Variants in ZDHHC22 observed in about 807,000 individuals in gnomAD.
The protein encoded by ZDHHC22 is zDHHC palmitoyltransferase 22.
A neutral mutation model predicts 17.0 loss-of-function variants in ZDHHC22; 13 were observed. The observed-to-expected ratio is 0.76, with a 90% CI of 0.50 to 1.21. The LOEUF (loss-of-function observed/expected upper bound fraction) is 1.21, where lower values mean the gene tolerates loss of function less well. ZDHHC22 is among the 50% of genes most tolerant of loss of function. The pLI, the probability that ZDHHC22 is intolerant of heterozygous loss-of-function variation, is 0.00. For missense variants in ZDHHC22, 319 were observed against 342.3 expected, an observed-to-expected ratio of 0.93 and a Z score of 0.54; for synonymous variants, 138 against 154.7, an observed-to-expected ratio of 0.89 and a Z score of 0.80.
At position 77,141,697 on chromosome 14, in the gene ZDHHC22, C is replaced by T. The variant is rs948865858; in HGVS notation, c.-109G>A. 1 of 152,374 alleles carries T rather than the reference C, an allele frequency of 6.6e-6. No homozygotes were observed. The highest frequency in any genetic ancestry group is 2.4e-5 in the African/African-American group (1 of 41,464). The allele number at this position is 152,374 out of a possible 1,614,324, so 9.4% of individuals were successfully genotyped here. On this transcript the variant is annotated 5_prime_UTR_variant, in exon 1 of 3. Transcript: ENST00000319374. ...GGACTCGGCCCGGCTGGCTCGCAGCCTGCGCTTCGCTTCGGGAACTGGGCA... is the reference window on the plus strand; with the variant it reads ...GGACTCGGCCCGGCTGGCTCGCAGCTTGCGCTTCGCTTCGGGAACTGGGCA...
At chr14:77,139,930 G>A (rs1347170411) in intron 1 of ZDHHC22, among the ~76,000 whole-genome samples, 178 bp from the exon 2 acceptor site, 5 of 152,138 alleles carry the variant, frequency 3.3e-5, no homozygotes, top group African/African-American at 1.2e-4. Context: ...CCAGAGACCC[G>A]AGCCCGCAGC....
chr14:77,141,617 C>G lies in ZDHHC22; in HGVS notation c.-29G>C, dbSNP rs1378130578. On this transcript the variant is annotated 5_prime_UTR_variant, in exon 1 of 3. Transcript: ENST00000319374. ...AATCAACTCACCGAGCTCTGGTCGC[C>G]GACAAGAGGAGCCCCGGACGCCGGC... 1 of 153,058 alleles carries G rather than the reference C, an allele frequency of 6.5e-6. No individual in the cohort carries two copies. Among genetic ancestry groups the G allele is most frequent in the Admixed American group, 6.5e-5 (1 of 15,290 alleles). The allele number at this position is 153,058 out of a possible 1,614,324, so 9.5% of individuals were successfully genotyped here.
chr14:77,136,145 T>C (rs1325071207), intron 2 of ZDHHC22, among the ~76,000 whole-genome samples: 3 of 152,116 alleles, frequency 2.0e-5, no homozygotes. Flanking sequence ...CCAAAGTGGC[T>C]CATTCGAGAA....
intron 2 of ZDHHC22, among the ~76,000 whole-genome samples, chr14:77,136,275 G>T (rs937798480): frequency 2.0e-5 from 3 of 152,130 alleles, no homozygotes; most frequent in Non-Finnish European, 4.4e-5. Flanking sequence ...GTGTGGTGTT[G>T]GTGCAACTTA....
At position 77,139,490 on chromosome 14, in the gene ZDHHC22, C is replaced by T. The variant is rs1217516098; in HGVS notation, c.249G>A (p.Ser83=). 2.2e-5 allele frequency: 36 copies of T among 1,612,658 alleles called. No individual in the cohort carries two copies. Among genetic ancestry groups the T allele is most frequent in the Non-Finnish European group, 3.1e-5 (36 of 1,179,510 alleles). ...GTGAGGGGCATGGAGTCTTCCTGGC[C>T]GAGGCCCCCTGGCAGGCCCCCAGGT... The part of the protein sequence containing the change: ...PDDLGACQGA[S]ARKTPCPSPS... Residue 83 remains serine, a synonymous_variant, in exon 2 of 3, where the codon TCG becomes TCA. Transcript: ENST00000319374.
Position 77,133,968 on chromosome 14 carries a change from G to C in ZDHHC22, c.527-20C>G, listed in dbSNP as rs1394826352. 1 of 1,542,784 alleles carries C rather than the reference G, an allele frequency of 6.5e-7. No homozygotes were observed. The highest frequency in any genetic ancestry group is 1.3e-5 in the South Asian group (1 of 78,030). On this transcript the variant is annotated intron_variant, in intron 2 of 2. Transcript: ENST00000319374. Reference sequence around the variant, plus strand: ...CAGCTCCTGCAGGGCACGGGGAGGGGAAACACCAGAGCCGCTTTACACCCA... The same window carrying C: ...CAGCTCCTGCAGGGCACGGGGAGGGCAAACACCAGAGCCGCTTTACACCCA...
chr14:77,136,065 A>G (rs1170833238), intron 2 of ZDHHC22, among the ~76,000 whole-genome samples: 1 of 152,218 alleles, frequency 6.6e-6, no homozygotes, highest in Non-Finnish European at 1.5e-5. Flanking sequence ...ACAGGCATCT[A>G]TAACACCTTT....
intron 2 of ZDHHC22, among the ~76,000 whole-genome samples, chr14:77,137,976 C>G (rs1379921595): frequency 6.6e-6 from 1 of 152,136 alleles, no homozygotes; most frequent in Non-Finnish European, 1.5e-5. Context: ...GAGACTGCCA[C>G]TCAGTAGCAG....
intron 2 of ZDHHC22, among the ~76,000 whole-genome samples, chr14:77,136,864 G>A (rs1702187766): frequency 6.6e-6 from 1 of 152,132 alleles, no homozygotes; most frequent in Non-Finnish European, 1.5e-5. Flanking sequence ...TCAAACTCTT[G>A]GGCTCAAGCA....
rs754167228 is a variant in ZDHHC22, at chr14:77,139,672, A to G, written c.67T>C (p.Phe23Leu). ...AYFLCISLVT[F>L]VLQLFLFLPS... ...AGGAAGAGGAAGAGCTGCAGCACGA[A>G]GGTCACCAGGGAGATGCACAAGAAG... Residue 23 changes from phenylalanine to leucine, a missense_variant, in exon 2 of 3, where the codon TTC becomes CTC. Coordinates refer to ENST00000319374, the MANE Select transcript of ZDHHC22 (RefSeq NM_174976.2). The G allele has an allele frequency of 6.4e-6, 10 of 1,559,162 alleles. No individual in the cohort carries two copies. The East Asian group carries it at 2.1e-4, about 32-fold the overall frequency.
intron 1 of ZDHHC22, chr14:77,141,215 G>A (rs1887248609): frequency 6.6e-6 from 1 of 152,176 alleles, no homozygotes; most frequent in Middle Eastern, 3.2e-3. Context: ...CCCTCGGCCT[G>A]GGGCTCCGGC....
rs1887223116 is a variant in ZDHHC22 at position 77,140,042 on chromosome 14, G to A, written c.-14-290C>T. ...AGTCTGGCACAGGAGGGAGGGACTC[G>A]TTTGCAGTCTTTAGGAGTTGTGAGG... On this transcript the variant is annotated intron_variant, in intron 1 of 2. Coordinates refer to ENST00000319374, the MANE Select transcript of ZDHHC22 (RefSeq NM_174976.2). This position sits in a 1 kb window ranked among gnomAD's most constrained non-coding sequence, Gnocchi z 5.9. 6.6e-6 allele frequency among the ~76,000 whole-genome samples: 1 copy of A among 152,154 alleles called. No individual in the cohort carries two copies. Among genetic ancestry groups the A allele is most frequent in the Admixed American group, 6.5e-5 (1 of 15,284 alleles).
chr14:77,132,954 A>G lies in ZDHHC22; in HGVS notation c.*729T>C, dbSNP rs934460583. 2.6e-5 allele frequency: 4 copies of G among 151,800 alleles called. No homozygotes were observed. The highest frequency in any genetic ancestry group is 3.9e-4 in the East Asian group (2 of 5,174). 9.4% of individuals were successfully genotyped at this position (151,800 alleles called of 1,614,324 possible). On this transcript the variant is annotated 3_prime_UTR_variant, in exon 3 of 3. Coordinates refer to ENST00000319374, the MANE Select transcript of ZDHHC22 (RefSeq NM_174976.2). The stretch of plus-strand genomic sequence containing the variant: ...TCTGGCAAAGACCTGGGGGCTGGAG[A>G]TCAAGTAGAAAGGCTGGAAGAGTTC...
At chr14:77,135,564 G>C (rs1237272786) in intron 2 of ZDHHC22, among the ~76,000 whole-genome samples, 1 of 152,192 alleles carries the variant, frequency 6.6e-6, no homozygotes, top group East Asian at 1.9e-4. Flanking sequence ...CAGTGGGACA[G>C]GGCTCACATT....
In ZDHHC22 at chr14:77,139,549, T is replaced by C. The variant is rs775087356; in HGVS notation, c.190A>G (p.Asn64Asp). ...FLFLSANALGNYVLVIQNSPD... is the reference protein window; with the variant it reads ...FLFLSANALGDYVLVIQNSPD... Reference sequence around the variant, plus strand: ...GAGTTCTGGATGACAAGGACGTAATTGCCCAGGGCGTTGGCCGAGAGGAAT... The same window carrying C: ...GAGTTCTGGATGACAAGGACGTAATCGCCCAGGGCGTTGGCCGAGAGGAAT... Residue 64 changes from asparagine (N) to aspartate (D), a missense_variant, in exon 2 of 3, where the codon AAT (asparagine) becomes GAT (aspartate). Transcript: ENST00000319374. 1 of 1,606,712 alleles carries C rather than the reference T, an allele frequency of 6.2e-7. No homozygotes were observed. The highest frequency in any genetic ancestry group is 2.2e-5 in the East Asian group (1 of 44,604).
chr14:77,135,195 G>C (rs942109345), intron 2 of ZDHHC22, among the ~76,000 whole-genome samples: 2 of 151,904 alleles, frequency 1.3e-5, no homozygotes, highest in South Asian at 4.2e-4. Flanking sequence ...TCTGGTGGGG[G>C]GGGGGCACCT....
chr14:77,139,097 T>C, intron 2 of ZDHHC22, 116 bp downstream of exon 2: 1 of 1,122,532 alleles, frequency 8.9e-7, no homozygotes, highest in Non-Finnish European at 1.2e-6. Context: ...AGCGGGACGG[T>C]CTGTATTTTT....
At position 77,140,162 on chromosome 14, in the gene ZDHHC22, A is replaced by G. The variant is rs1293270549; in HGVS notation, c.-14-410T>C. On this transcript the variant is annotated intron_variant, in intron 1 of 2. Coordinates refer to ENST00000319374, the MANE Select transcript of ZDHHC22 (RefSeq NM_174976.2). The surrounding 1 kb of genome is among the most constrained non-coding windows in gnomAD (Gnocchi z 5.9). Reference sequence around the variant, plus strand: ...TGGTTCAGACCTCCCTAGGAGGAGAAAGGGAAGGATTTGGGGTCGGGGGCA... The same window carrying G: ...TGGTTCAGACCTCCCTAGGAGGAGAGAGGGAAGGATTTGGGGTCGGGGGCA... Among the ~76,000 whole-genome samples, 1 of 152,084 alleles carries G rather than the reference A, an allele frequency of 6.6e-6. No homozygotes were observed. The highest frequency in any genetic ancestry group is 1.9e-4 in the East Asian group (1 of 5,164).
At position 77,133,863 on chromosome 14, in the gene ZDHHC22, G is replaced by A; in HGVS notation, c.612C>T (p.Cys204=). ...CGCGGAGGATCAACAGCAGCTGGTG[G>A]CAGCAGAAGCCGGCGCAGGCCAGGC... ...AIGLACAGFC[C]HQLLLILRGQ... is the part of the protein sequence containing the mutation. The change falls in exon 3 of 3, where the codon TGC becomes TGT. Residue 204 remains cysteine, a synonymous_variant. Coordinates refer to ENST00000319374, the MANE Select transcript of ZDHHC22 (RefSeq NM_174976.2). 1 of 1,613,228 alleles carries A rather than the reference G, an allele frequency of 6.2e-7. No individual in the cohort carries two copies.
Sources: gnomAD v4.1 joint callset for allele counts (sites outside exome capture counted in the v4.1 genomes callset) on GRCh38, gnomAD v4.1.1 for gene constraint, Gnocchi (gnomAD v3.1) non-coding constraint, MANE v1.5 for transcripts, NCBI Gene and HGNC (gene_info 2026-07-23, HGNC 2026-07-21) for gene names.